The following AFF2 variants were observed in gnomAD, a reference collection of about 807,000 sequenced individuals.
AFF2 encodes the protein AF4/FMR2 family member 2.
Under a neutral mutation model 76.9 loss-of-function variants are expected in AFF2, and 14 were observed. The ratio of observed to expected loss-of-function variants is 0.18; its 90% CI spans 0.12 to 0.28. The LOEUF (loss-of-function observed/expected upper bound fraction) is 0.28, where lower values mean the gene tolerates loss of function less well. Among genes scored for constraint, AFF2 ranks in the 10% least tolerant of loss-of-function variants. The pLI, the probability that AFF2 is intolerant of heterozygous loss-of-function variation, is 1.00. For missense variants in AFF2, 868 were observed against 1,001.1 expected, an observed-to-expected ratio of 0.87 and a Z score of 1.79; for synonymous variants, 398 against 366.7, an observed-to-expected ratio of 1.09 and a Z score of -0.98.
At chrX:148,613,701 G>C (rs1258658106) in intron 1 of AFF2, among the ~76,000 whole-genome samples, 3 of 111,254 alleles carry the variant, frequency 2.7e-5, no homozygotes, top group Middle Eastern at 4.6e-3. Context: ...GTCTCCTGTT[G>C]TCATCTGAGC....
rs2072531586 is a variant in AFF2 at position 148,991,353 on chromosome X, G to A, written c.*21G>A. 1 of 1,180,698 alleles carries A rather than the reference G, an allele frequency of 8.5e-7. No individual in the cohort carries two copies. The highest frequency in any genetic ancestry group is 1.9e-5 in the South Asian group (1 of 51,821). ...TGTAGTGGGTGTTCTCAGATCTCTA[G>A]CATCACGACCCATCACTCTACCTCT... On this transcript the variant is annotated 3_prime_UTR_variant, in exon 21 of 21. Coordinates refer to ENST00000370460, the MANE Select transcript of AFF2 (RefSeq NM_002025.4).
rs1240884917 is a variant in AFF2, at chrX:148,901,454, G to A, written c.1360-2767G>A. On this transcript the variant is annotated intron_variant, in intron 8 of 20. Coordinates refer to ENST00000370460, the MANE Select transcript of AFF2 (RefSeq NM_002025.4). ...CTCTCCAGCCTCCATTTTCCAATCA[G>A]TTTAAATTACTTTAATGTATGTTTT... Among the ~76,000 whole-genome samples, 3 of 112,044 alleles carry A rather than the reference G, an allele frequency of 2.7e-5. No homozygotes were observed. In the Admixed American group the frequency reaches 2.8e-4, roughly 11 times the overall value.
rs781865856 is a variant in AFF2, at chrX:148,534,489, G to C, written c.47+33345G>C. The stretch of plus-strand genomic sequence containing the variant: ...TTGGCTCAAACTGTGGCACTGCATA[G>C]TCTGCATTTGAATTCCAGAACTATC... On this transcript the variant is annotated intron_variant, in intron 1 of 20. Coordinates refer to ENST00000370460, the MANE Select transcript of AFF2 (RefSeq NM_002025.4). Among the ~76,000 whole-genome samples, 6 of 112,946 alleles carry C rather than the reference G, an allele frequency of 5.3e-5. No homozygotes were observed. In the South Asian group the frequency reaches 2.2e-3, roughly 41 times the overall value.
intron 3 of AFF2, among the ~76,000 whole-genome samples, chrX:148,763,139 G>A (rs2069472074): frequency 8.9e-6 from 1 of 112,088 alleles, no homozygotes; most frequent in South Asian, 3.7e-4. Flanking sequence ...GCATTTTATA[G>A]GTTAAAGGTA....
intron 3 of AFF2, among the ~76,000 whole-genome samples, chrX:148,795,001 A>C (rs1289977273): frequency 8.9e-6 from 1 of 112,075 alleles, no homozygotes; most frequent in Admixed American, 9.5e-5. Flanking sequence ...CATCTTAAAA[A>C]ATGAAACTCA....
At chrX:148,618,278 GGAAA>G (rs2053833072) in intron 1 of AFF2, among the ~76,000 whole-genome samples, 1 of 111,523 alleles carries the variant, frequency 9.0e-6, no homozygotes, top group African/African-American at 3.3e-5. Flanking sequence ...AATTCATAAA[GGAAA>G]GAGGTTTAAT....
intron 4 of AFF2, among the ~76,000 whole-genome samples, chrX:148,835,609 C>T (rs2070513633): frequency 9.3e-6 from 1 of 107,559 alleles, no homozygotes; most frequent in Non-Finnish European, 1.9e-5. Context: ...CTCAGCCTCC[C>T]GAGTAGCTGG....
intron 4 of AFF2, among the ~76,000 whole-genome samples, chrX:148,826,613 C>G (rs1267259012): frequency 9.0e-6 from 1 of 111,691 alleles, no homozygotes; most frequent in African/African-American, 3.3e-5. Flanking sequence ...CACTGGCCCC[C>G]AGTGTTCATA....
chrX:148,922,861 G>T (rs1557283359), intron 9 of AFF2, among the ~76,000 whole-genome samples: 1 of 111,654 alleles, frequency 9.0e-6, no homozygotes, highest in Non-Finnish European at 1.9e-5. Flanking sequence ...TATGAAGAAG[G>T]TGACTCCCAT....
chrX:148,884,333 G>C (rs1302819327), intron 7 of AFF2, among the ~76,000 whole-genome samples: 1 of 112,215 alleles, frequency 8.9e-6, no homozygotes, highest in East Asian at 2.8e-4. Flanking sequence ...ACACATTCTA[G>C]TGTTATGTGA....
At chrX:148,715,821 A>C (rs956327371) in intron 3 of AFF2, among the ~76,000 whole-genome samples, 22 of 111,920 alleles carry the variant, frequency 2.0e-4, no homozygotes, top group Non-Finnish European at 5.6e-5. Flanking sequence ...CCCACAGGAA[A>C]TGATGATCCC....
rs1378554751 is a variant in AFF2 at position 148,995,497 on chromosome X, G to T, written c.*4165G>T. 1.1e-5 allele frequency: 1 copy of T among 94,828 alleles called. No individual in the cohort carries two copies. Among genetic ancestry groups the T allele is most frequent in the African/African-American group, 3.9e-5 (1 of 25,811 alleles). 7.8% of individuals were successfully genotyped at this position (94,828 alleles called of 1,213,427 possible). A position where few individuals can be genotyped will look rare whatever the true frequency, so the allele number is the denominator to read the frequency against. On this transcript the variant is annotated 3_prime_UTR_variant, in exon 21 of 21. Transcript: ENST00000370460. ...AGGGGGTGGGGGTGGGGGCGGGGGGGTGGGGGGTGGGGAAGCCCCACAAAG... is the reference window on the plus strand; with the variant it reads ...AGGGGGTGGGGGTGGGGGCGGGGGGTTGGGGGGTGGGGAAGCCCCACAAAG...
At chrX:148,535,410 C>T (rs1397517973) in intron 1 of AFF2, among the ~76,000 whole-genome samples, 1 of 110,633 alleles carries the variant, frequency 9.0e-6, no homozygotes, top group East Asian at 2.9e-4. Flanking sequence ...TTTAACTGGG[C>T]GTCCTGTGTT....
chrX:148,679,020 T>C (rs1179627199), intron 3 of AFF2, among the ~76,000 whole-genome samples: 6 of 110,473 alleles, frequency 5.4e-5, no homozygotes, highest in Non-Finnish European at 1.1e-4. Context: ...GTTTTTCATA[T>C]ATTACATAAC....
In AFF2 at chrX:148,772,058, A is replaced by G. The variant is rs782303496; in HGVS notation, c.1042-37818A>G. ...ACAAATGTGTTTTTTGACCCATAAT[A>G]GGTTACAGCCTGATTTAATAGGTCA... On this transcript the variant is annotated intron_variant, in intron 3 of 20. Transcript: ENST00000370460. 6.3e-5 allele frequency among the ~76,000 whole-genome samples: 7 copies of G among 111,901 alleles called. No homozygotes were observed. In the East Asian group the frequency reaches 2.0e-3, roughly 32 times the overall value.
chrX:148,850,903 G>T (rs1287986345), intron 7 of AFF2, among the ~76,000 whole-genome samples: 1 of 111,619 alleles, frequency 9.0e-6, no homozygotes, highest in African/African-American at 3.3e-5. Flanking sequence ...ATGGCTGCAG[G>T]GCCAGAACTC....
intron 3 of AFF2, among the ~76,000 whole-genome samples, chrX:148,727,301 T>G (rs530733329): frequency 2.7e-5 from 3 of 111,679 alleles, no homozygotes; most frequent in African/African-American, 9.7e-5. Flanking sequence ...ACAATCGAAT[T>G]ATACCAGCAG....
chrX:148,628,586 A>G (rs1354075916), intron 1 of AFF2, among the ~76,000 whole-genome samples: 8 of 111,166 alleles, frequency 7.2e-5, no homozygotes, highest in East Asian at 2.8e-4. Context: ...AAAAAAAAAA[A>G]AGAGAGATTT....
chrX:148,501,174 A>G (rs199726490), intron 1 of AFF2, 30 bp downstream of exon 1: 2 of 1,205,661 alleles, frequency 1.7e-6, no homozygotes, highest in African/African-American at 3.5e-5. Context: ...TTCTCCTTTG[A>G]TGAGCGAGTC....
Sources: gnomAD v4.1 joint callset for allele counts (sites outside exome capture counted in the v4.1 genomes callset) on GRCh38, gnomAD v4.1.1 for gene constraint, MANE v1.5 for transcripts, NCBI Gene and HGNC (gene_info 2026-07-23, HGNC 2026-07-21) for gene names.